The following STK32C variants were observed in gnomAD, a reference collection of about 807,000 sequenced individuals.
The protein encoded by STK32C is serine/threonine kinase 32C, also known as serine/threonine-protein kinase 32C.
A neutral mutation model predicts 56.5 loss-of-function variants in STK32C; 31 were observed. The observed-to-expected ratio is 0.55, with a 90% CI of 0.41 to 0.74. The LOEUF (loss-of-function observed/expected upper bound fraction) is 0.74, where lower values mean the gene tolerates loss of function less well. Among genes scored for constraint, STK32C ranks in the 30% least tolerant of loss-of-function variants. The probability of loss-of-function intolerance (pLI) is 0.00; values close to 1 mark genes in which losing one functional copy is unlikely to be tolerated. For missense variants in STK32C, 544 were observed against 676.9 expected, an observed-to-expected ratio of 0.80 and a Z score of 2.18; for synonymous variants, 309 against 289.4, an observed-to-expected ratio of 1.07 and a Z score of -0.69.
At chr10:132,275,303 C>T (rs1407066712) in intron 1 of STK32C, among the ~76,000 whole-genome samples, 4 of 152,134 alleles carry the variant, frequency 2.6e-5, no homozygotes, top group South Asian at 4.1e-4. Flanking sequence ...CTGGGACCCC[C>T]GGGGAAGATG....
chr10:132,230,679 CGGGG>C (rs377544275), intron 2 of STK32C, among the ~76,000 whole-genome samples: 1 of 49,684 alleles, frequency 2.0e-5, no homozygotes, highest in African/African-American at 8.6e-5. Context: ...GGGAAGCTGG[CGGGG>C]GGGGGGGGGC....
intron 1 of STK32C, among the ~76,000 whole-genome samples, chr10:132,301,375 G>A (rs925719861): frequency 6.6e-6 from 1 of 152,224 alleles, no homozygotes; most frequent in African/African-American, 2.4e-5. Context: ...TGTAAGAGCC[G>A]AGGGGCTCAA....
At chr10:132,228,355 G>T (rs1251000406) in intron 2 of STK32C, among the ~76,000 whole-genome samples, 1 of 152,152 alleles carries the variant, frequency 6.6e-6, no homozygotes, top group Non-Finnish European at 1.5e-5. Flanking sequence ...TTTGGAGGCC[G>T]TGATTCTGCC....
chr10:132,271,900 A>G (rs2064837733), intron 1 of STK32C, among the ~76,000 whole-genome samples: 1 of 152,234 alleles, frequency 6.6e-6, no homozygotes, highest in South Asian at 2.1e-4. Flanking sequence ...GGGCTGCCTC[A>G]GTGACAACAC....
chr10:132,326,972 A>G (rs908763493), intron 1 of STK32C, among the ~76,000 whole-genome samples: 2 of 152,234 alleles, frequency 1.3e-5, no homozygotes, highest in East Asian at 1.9e-4. Flanking sequence ...AAGGGATTAC[A>G]TAAAAAAACT....
intron 2 of STK32C, among the ~76,000 whole-genome samples, chr10:132,233,046 G>A (rs1301873610): frequency 1.3e-5 from 2 of 152,174 alleles, no homozygotes; most frequent in Admixed American, 6.5e-5. Flanking sequence ...TCCTTCCTGG[G>A]GGAGCTTCTG....
intron 10 of STK32C, among the ~76,000 whole-genome samples, chr10:132,221,568 G>A (rs556335372): frequency 9.3e-4 from 110 of 118,444 alleles, no homozygotes; most frequent in Middle Eastern, 0.01. Context: ...GGCCATCCCC[G>A]CACACACAAC....
At chr10:132,276,022 A>T in intron 1 of STK32C, among the ~76,000 whole-genome samples, 1 of 151,960 alleles carries the variant, frequency 6.6e-6, no homozygotes, top group Non-Finnish European at 1.5e-5. Context: ...GAAGACCCCC[A>T]AGCCGCCACA....
downstream of STK32C, among the ~76,000 whole-genome samples, chr10:132,320,986 G>A (rs139862752): frequency 4.5e-3 from 693 of 152,320 alleles, 6 homozygotes; most frequent in African/African-American, 0.016. Flanking sequence ...TGGGGTGGGT[G>A]CAGTGCACCT....
chr10:132,299,362 C>T (rs1453444161), intron 1 of STK32C, among the ~76,000 whole-genome samples: 2 of 151,830 alleles, frequency 1.3e-5, no homozygotes, highest in Non-Finnish European at 2.9e-5. Flanking sequence ...GCAGCACAGA[C>T]AGCTAATCCA....
At chr10:132,235,086 A>C (rs2063229471) in intron 2 of STK32C, among the ~76,000 whole-genome samples, 1 of 151,962 alleles carries the variant, frequency 6.6e-6, no homozygotes, top group Non-Finnish European at 1.5e-5. Context: ...GACTGGTATG[A>C]ACTGTGTGAG....
chr10:132,293,922 C>G (rs1040764499), intron 1 of STK32C, among the ~76,000 whole-genome samples: 2 of 152,294 alleles, frequency 1.3e-5, no homozygotes, highest in East Asian at 1.9e-4. Context: ...GAACACCTGA[C>G]GGTCACAGGC....
At chr10:132,212,343 G>GATAT (rs2062333775) in intron 10 of STK32C, among the ~76,000 whole-genome samples, 1 of 152,224 alleles carries the variant, frequency 6.6e-6, no homozygotes, top group East Asian at 1.9e-4. Context: ...TTCAGCAAAT[G>GATAT]GTGCTAGGAC....
intron 1 of STK32C, among the ~76,000 whole-genome samples, chr10:132,325,534 C>G (rs919169863): frequency 6.7e-6 from 1 of 148,320 alleles, no homozygotes; most frequent in African/African-American, 2.5e-5. Flanking sequence ...GCCTGGGTGA[C>G]AGAGCAAGAG....
chr10:132,280,904 C>T (rs1437478681), intron 1 of STK32C, among the ~76,000 whole-genome samples: 3 of 151,408 alleles, frequency 2.0e-5, no homozygotes, highest in Non-Finnish European at 4.4e-5. Context: ...CACGCCCCTG[C>T]ATCCTGTGAC....
At chr10:132,227,189 G>C (rs962659951) in intron 3 of STK32C, among the ~76,000 whole-genome samples, 1 of 152,280 alleles carries the variant, frequency 6.6e-6, no homozygotes, top group African/African-American at 2.4e-5. Flanking sequence ...TGTGCTGGAG[G>C]TGGCCCAGCT....
chr10:132,310,998 G>C (rs2066209529), upstream of STK32C, among the ~76,000 whole-genome samples: 1 of 152,194 alleles, frequency 6.6e-6, no homozygotes, highest in Non-Finnish European at 1.5e-5. The surrounding 1 kb of genome is among the most constrained non-coding windows in gnomAD (Gnocchi z 4.6). Context: ...GAGTGGCCGT[G>C]GCATGTGCTG....
At chr10:132,321,739 C>T (rs765341593), downstream of STK32C, among the ~76,000 whole-genome samples, 4 of 152,148 alleles carry the variant, frequency 2.6e-5, no homozygotes, top group Non-Finnish European at 5.9e-5. Flanking sequence ...GCAGGAGAAT[C>T]GCTTGAACCT....
chr10:132,250,670 C>G (rs1439624087), intron 1 of STK32C, among the ~76,000 whole-genome samples: 1 of 139,846 alleles, frequency 7.2e-6, no homozygotes, highest in Non-Finnish European at 1.5e-5. Flanking sequence ...GGCCCCGCCC[C>G]GAGTGCAGGT....
Sources: allele counts gnomAD v4.1 joint callset (sites outside exome capture counted in the v4.1 genomes callset), GRCh38; gene constraint gnomAD v4.1.1; non-coding constraint Gnocchi (gnomAD v3.1); transcripts MANE v1.5; gene names NCBI Gene and HGNC (gene_info 2026-07-23, HGNC 2026-07-21).